The following ZWILCH variants were observed in gnomAD, a reference collection of about 807,000 sequenced individuals.
ZWILCH encodes the protein zwilch kinetochore protein.
In ZWILCH, 74 loss-of-function variants were observed where a neutral mutation model predicts 79.9. That is an observed-to-expected ratio of 0.93 (90% CI 0.77 to 1.12). The LOEUF is 1.12. Among genes scored for constraint, ZWILCH ranks in the 50% most tolerant of loss-of-function variants. The pLI is 0.00. For synonymous variants in ZWILCH, 241 were observed against 228.2 expected (o/e 1.06, Z -0.51); for missense variants, 694 against 687.5 (o/e 1.01, Z -0.11).
At chr15:66,517,408 T>TTGTGCG (rs1555424230) in intron 4 of ZWILCH, among the ~76,000 whole-genome samples, 3 of 44,154 alleles carry the variant, frequency 6.8e-5, no homozygotes, top group Non-Finnish European at 1.3e-4. Context: ...GATTTTGTGT[T>TTGTGCG]TGTGTGTGCG....
At chr15:66,521,386 GTGATC>G (rs1226230688) in intron 7 of ZWILCH, among the ~76,000 whole-genome samples, 181 bp downstream of exon 7, 1 of 152,178 alleles carries the variant, frequency 6.6e-6, no homozygotes, top group East Asian at 1.9e-4. Flanking sequence ...GTTTTGTCAG[GTGATC>G]TGATCTATCA....
At chr15:66,506,514 C>T (rs9673063) in intron 1 of ZWILCH, among the ~76,000 whole-genome samples, 8,528 of 152,180 alleles carry the variant, frequency 0.056, 339 homozygotes, top group Middle Eastern at 0.11. Flanking sequence ...ACTAAAAATA[C>T]AAAAATTAGC....
intron 1 of ZWILCH, among the ~76,000 whole-genome samples, chr15:66,507,013 C>T (rs1174044571): frequency 1.2e-4 from 19 of 152,002 alleles, no homozygotes; most frequent in Admixed American, 1.2e-3. Context: ...CATGCCACCA[C>T]GCCTAGCTGA....
chr15:66,543,716 C>T lies in ZWILCH; in HGVS notation c.1688-2875C>T, dbSNP rs561235636. Among the ~76,000 whole-genome samples the T allele has an allele frequency of 3.3e-5, 5 of 151,508 alleles. No homozygotes were observed. The South Asian group carries it at 1.0e-3, about 32-fold the overall frequency. On this transcript the variant is annotated intron_variant, in intron 17 of 18. Coordinates refer to ENST00000307897, the MANE Select transcript of ZWILCH (RefSeq NM_017975.5). The stretch of plus-strand genomic sequence containing the variant: ...AGGCTGCAGTGAGCTGAGGTTGTGC[C>T]ATTGCACTCCAGCCTGGGTAGCAGA...
chr15:66,542,995 A>G (rs1262243287), intron 17 of ZWILCH, among the ~76,000 whole-genome samples: 1 of 152,092 alleles, frequency 6.6e-6, no homozygotes, highest in African/African-American at 2.4e-5. Flanking sequence ...TTCTGGTTGG[A>G]ATGTAAAGTT....
intron 4 of ZWILCH, 146 bp from the exon 5 acceptor site, chr15:66,518,733 C>A: frequency 1.4e-6 from 1 of 702,084 alleles, no homozygotes; most frequent in Non-Finnish European, 2.4e-6. Flanking sequence ...ATCACTTGAG[C>A]CAAGGAGGCC....
intron 9 of ZWILCH, 92 bp downstream of exon 9, chr15:66,527,475 T>C (rs1894711859): frequency 1.9e-6 from 2 of 1,051,614 alleles, no homozygotes; most frequent in Admixed American, 4.1e-5. Flanking sequence ...TTGATTGGAA[T>C]ATATACAAAG....
intron 7 of ZWILCH, 110 bp from the exon 8 acceptor site, chr15:66,523,567 T>G: frequency 8.9e-6 from 6 of 672,658 alleles, no homozygotes; most frequent in South Asian, 2.3e-5. Context: ...TGGTCCTTTA[T>G]GAAATATATT....
At chr15:66,522,770 T>C (rs1894543433) in intron 7 of ZWILCH, among the ~76,000 whole-genome samples, 1 of 152,202 alleles carries the variant, frequency 6.6e-6, no homozygotes, top group African/African-American at 2.4e-5. Context: ...AAAATGTATA[T>C]ACAGAAGCCT....
intron 1 of ZWILCH, chr15:66,508,609 G>T: frequency 1.4e-6 from 1 of 698,258 alleles, no homozygotes; most frequent in Non-Finnish European, 2.1e-6. Context: ...GAGGGCAACA[G>T]TCTATTAATC....
Position 66,527,308 on chromosome 15 carries a change from A to G in ZWILCH, c.838A>G (p.Arg280Gly). The change falls in exon 9 of 19, where the codon AGG becomes GGG. Residue 280 changes from arginine to glycine, a missense_variant. Physicochemically the swap from Arg to Gly is moderately radical, Grantham distance 125. Transcript: ENST00000307897. ...CCTGTAGGTTTTGGCTGATGGTTTG[A>G]GGACTGGTGTCACTGAATGGCTCGA... ...KFLLVLADGL[R>G]TGVTEWLEPL... The G allele has an allele frequency of 1.2e-6, 2 of 1,614,042 alleles. No homozygotes were observed. The highest frequency in any genetic ancestry group is 1.7e-6 in the Non-Finnish European group (2 of 1,179,942).
At position 66,546,692 on chromosome 15, in the gene ZWILCH, A is replaced by T; in HGVS notation, c.*13A>T. The T allele has an allele frequency of 6.3e-7, 1 of 1,583,972 alleles. No individual in the cohort carries two copies. On this transcript the variant is annotated 3_prime_UTR_variant, in exon 18 of 19. Coordinates refer to ENST00000307897, the MANE Select transcript of ZWILCH (RefSeq NM_017975.5). ...GCATTTCAAGTGAAGTGTGCTGATG[A>T]AGTCCTCTATAAGGTATTTATGTTC...
chr15:66,520,212 C>G (rs1369413325), intron 5 of ZWILCH, among the ~76,000 whole-genome samples: 1 of 152,092 alleles, frequency 6.6e-6, no homozygotes, highest in Non-Finnish European at 1.5e-5. Context: ...CCTCGACCTC[C>G]TGGGCTCAGG....
rs4238406 is a variant in ZWILCH, at chr15:66,513,970, C to G, written c.106-18C>G. ...ATATAAGTGTATGTATAATGTTGCTCGATACCTGTTTTAACAGGCTGATGT... is the reference window on the plus strand; with the variant it reads ...ATATAAGTGTATGTATAATGTTGCTGGATACCTGTTTTAACAGGCTGATGT... On this transcript the variant is annotated intron_variant, in intron 2 of 18. Transcript: ENST00000307897. 6 of 1,592,260 alleles carry G rather than the reference C, an allele frequency of 3.8e-6. No homozygotes were observed. The highest frequency in any genetic ancestry group is 1.3e-5 in the African/African-American group (1 of 74,260).
At chr15:66,516,634 T>A (rs1894271517) in intron 4 of ZWILCH, among the ~76,000 whole-genome samples, 1 of 152,036 alleles carries the variant, frequency 6.6e-6, no homozygotes, top group African/African-American at 2.4e-5. Flanking sequence ...GCCTCCCGAG[T>A]AGCTGGGATT....
chr15:66,539,822 C>T (rs1895136301), intron 16 of ZWILCH, among the ~76,000 whole-genome samples: 1 of 152,172 alleles, frequency 6.6e-6, no homozygotes, highest in African/African-American at 2.4e-5. Context: ...TTCTTTCCAA[C>T]TCTGCTATCC....
chr15:66,544,621 C>G (rs774418172), intron 17 of ZWILCH, among the ~76,000 whole-genome samples: 1 of 151,836 alleles, frequency 6.6e-6, no homozygotes, highest in Admixed American at 6.6e-5. Context: ...ATTACAGGTG[C>G]GAACTACTAC....
intron 7 of ZWILCH, among the ~76,000 whole-genome samples, chr15:66,522,537 A>G (rs941792252): frequency 1.3e-5 from 2 of 151,632 alleles, no homozygotes; most frequent in Admixed American, 6.6e-5. Flanking sequence ...ACGGGTTTTC[A>G]CCATGTTGGC....
At chr15:66,522,249 G>T (rs1369408278) in intron 7 of ZWILCH, among the ~76,000 whole-genome samples, 1 of 151,642 alleles carries the variant, frequency 6.6e-6, no homozygotes, top group Non-Finnish European at 1.5e-5. Context: ...AAGATATTCA[G>T]TGCAGCGATA....
Sources: gnomAD v4.1 joint callset for allele counts (sites outside exome capture counted in the v4.1 genomes callset) on GRCh38, gnomAD v4.1.1 for gene constraint, MANE v1.5 for transcripts, NCBI Gene and HGNC (gene_info 2026-07-23, HGNC 2026-07-21) for gene names.